The following PTPRQ variants were observed in gnomAD, a reference collection of about 807,000 sequenced individuals.
PTPRQ encodes the protein phosphatidylinositol phosphatase PTPRQ.
PTPRQ carries 199 observed loss-of-function variants against 246.0 expected under a neutral mutation model. The ratio of observed to expected loss-of-function variants is 0.81; its 90% CI spans 0.72 to 0.91. The LOEUF is 0.91. PTPRQ is among the 40% of genes least tolerant of loss of function. The pLI, the probability that PTPRQ is intolerant of heterozygous loss-of-function variation, is 0.00. For synonymous variants in PTPRQ, 869 were observed against 853.2 expected, an observed-to-expected ratio of 1.02 and a Z score of -0.32; for missense variants, 2,624 against 2,528.4, an observed-to-expected ratio of 1.04 and a Z score of -0.81.
At chr12:80,485,760 C>CTT (rs960068784) in intron 9 of PTPRQ, among the ~76,000 whole-genome samples, 16 of 152,160 alleles carry the variant, frequency 1.1e-4, no homozygotes, top group African/African-American at 3.9e-4. Flanking sequence ...CTGAGAAGGT[C>CTT]TTAAATTAGA....
intron 25 of PTPRQ, among the ~76,000 whole-genome samples, chr12:80,554,621 T>C (rs1896589995): frequency 6.6e-6 from 1 of 152,210 alleles, no homozygotes; most frequent in African/African-American, 2.4e-5. Flanking sequence ...CTTTATTAGC[T>C]TTTTGTCCAG....
At chr12:80,454,591 G>A (rs776454475) in intron 3 of PTPRQ, 1 of 701,702 alleles carries the variant, frequency 1.4e-6, no homozygotes, top group South Asian at 1.5e-5. Context: ...TTAGGATTAT[G>A]TTGGCTGTGG....
At chr12:80,516,358 T>C (rs377162185) in intron 17 of PTPRQ, among the ~76,000 whole-genome samples, 1 of 152,206 alleles carries the variant, frequency 6.6e-6, no homozygotes, top group East Asian at 1.9e-4. Flanking sequence ...TTCTAACTTA[T>C]ATACAAATCT....
chr12:80,553,842 A>G (rs1232042397), intron 25 of PTPRQ, among the ~76,000 whole-genome samples: 1 of 152,226 alleles, frequency 6.6e-6, no homozygotes, highest in African/African-American at 2.4e-5. Flanking sequence ...TGCATGCGGT[A>G]TTTAATTTTT....
intron 35 of PTPRQ, among the ~76,000 whole-genome samples, chr12:80,638,295 C>T (rs913428748): frequency 2.7e-4 from 41 of 151,262 alleles, no homozygotes; most frequent in African/African-American, 9.7e-4. Context: ...ATCTACCCAG[C>T]TAACATACGC....
chr12:80,483,756 C>T (rs1233210152), intron 8 of PTPRQ, among the ~76,000 whole-genome samples: 1 of 151,628 alleles, frequency 6.6e-6, no homozygotes, highest in African/African-American at 2.4e-5. Context: ...ACCGACAGGC[C>T]CCGGTGTATG....
intron 5 of PTPRQ, 40 bp from the exon 6 acceptor site, chr12:80,460,613 T>C (rs1256994074): frequency 1.3e-5 from 5 of 398,328 alleles, no homozygotes; most frequent in Non-Finnish European, 2.2e-5. Context: ...CACCAAGAGA[T>C]ACAACATTAT....
chr12:80,595,212 G>T (rs1897929505), intron 26 of PTPRQ, among the ~76,000 whole-genome samples: 1 of 152,090 alleles, frequency 6.6e-6, no homozygotes, highest in East Asian at 1.9e-4. Flanking sequence ...CAACAAGTGA[G>T]CATATTACAT....
At chr12:80,480,274 C>T (rs1893990576) in intron 8 of PTPRQ, among the ~76,000 whole-genome samples, 1 of 152,152 alleles carries the variant, frequency 6.6e-6, no homozygotes, top group Non-Finnish European at 1.5e-5. Flanking sequence ...TGAATGACTA[C>T]TGGGTACATA....
intron 33 of PTPRQ, among the ~76,000 whole-genome samples, chr12:80,628,051 A>G (rs557724083): frequency 2.0e-5 from 3 of 152,112 alleles, no homozygotes; most frequent in South Asian, 4.2e-4. Flanking sequence ...CTATGAGAAC[A>G]TTTTTTTCCC....
intron 39 of PTPRQ, among the ~76,000 whole-genome samples, chr12:80,663,385 T>C (rs533817522): frequency 1.3e-5 from 2 of 152,016 alleles, no homozygotes; most frequent in South Asian, 4.2e-4. Flanking sequence ...CTGGCCTTGC[T>C]CACCAGTGGG....
intron 26 of PTPRQ, among the ~76,000 whole-genome samples, chr12:80,599,402 T>C (rs965160520): frequency 6.6e-6 from 1 of 151,936 alleles, no homozygotes; most frequent in Non-Finnish European, 1.5e-5. Flanking sequence ...CAAACAATCC[T>C]AAATCAGAAT....
chr12:80,451,111 G>A (rs575206758), intron 3 of PTPRQ, among the ~76,000 whole-genome samples: 38 of 152,312 alleles, frequency 2.5e-4, no homozygotes, highest in African/African-American at 8.7e-4. Flanking sequence ...TCTTGGGAGG[G>A]TGTATGTGTC....
rs141027256 is a variant in PTPRQ, at chr12:80,583,386, A to G, written c.4286-4743A>G. Among the ~76,000 whole-genome samples, 52 of 152,184 alleles carry G rather than the reference A, an allele frequency of 3.4e-4. 1 individual carries two copies. The East Asian group carries it at 8.9e-3, about 26-fold the overall frequency. ...TGGATGCGGAAGCAAAATCTTTTTG[A>G]ATCTTTTATATATAATGTTGGGGTG... On this transcript the variant is annotated intron_variant, in intron 25 of 44. Transcript: ENST00000644991.
rs920493857 is a variant in PTPRQ at position 80,613,633 on chromosome 12, C to G, written c.4960C>G (p.Pro1654Ala). Residue 1654 changes from proline (P) to alanine (A), a missense_variant, in exon 29 of 45, where the codon CCA (proline) becomes GCA (alanine). Transcript: ENST00000644991. ...TAACAACATGACATTTCAGAAGATA[C>G]CAGATGAAGTTACAAAATTTCAATT... ...PPNNMTFQKI[P>A]DEVTKFQLTF... 33 of 1,545,102 alleles carry G rather than the reference C, an allele frequency of 2.1e-5. No individual in the cohort carries two copies. Among genetic ancestry groups the G allele is most frequent in the Non-Finnish European group, 2.6e-5 (30 of 1,142,708 alleles).
Position 80,539,812 on chromosome 12 carries a change from A to G in PTPRQ, c.3022A>G (p.Asn1008Asp). 1 of 1,547,658 alleles carries G rather than the reference A, an allele frequency of 6.5e-7. No individual in the cohort carries two copies. Among genetic ancestry groups the G allele is most frequent in the Admixed American group, 2.0e-5 (1 of 50,282 alleles). ...CCATGAAGTAACCAATGACTTTGAC[A>G]ATATGACTGTATCCACAATTATAGA... Reference protein sequence around the residue: ...TLHEVTNDFDNMTVSTIIDKL... With the variant: ...TLHEVTNDFDDMTVSTIIDKL... Residue 1008 changes from asparagine to aspartate, a missense_variant, in exon 20 of 45, where the codon AAT becomes GAT. Physicochemically the swap from Asn to Asp is conservative, Grantham distance 23. Transcript: ENST00000644991.
At chr12:80,523,267 A>G (rs1895566773) in intron 17 of PTPRQ, among the ~76,000 whole-genome samples, 1 of 152,066 alleles carries the variant, frequency 6.6e-6, no homozygotes, top group Admixed American at 6.6e-5. Context: ...CTTCTTTATT[A>G]GTCTTGCTAG....
chr12:80,461,823 T>A (rs948781117), intron 6 of PTPRQ, among the ~76,000 whole-genome samples: 1 of 151,762 alleles, frequency 6.6e-6, no homozygotes, highest in Admixed American at 6.6e-5. Flanking sequence ...CTTTGAATTA[T>A]ACCATTTTCT....
chr12:80,656,122 A>C (rs1263310793), intron 38 of PTPRQ, among the ~76,000 whole-genome samples: 6 of 152,202 alleles, frequency 3.9e-5, no homozygotes, highest in African/African-American at 1.4e-4. Context: ...TCATTAAACT[A>C]GATCATATAA....
Sources: gnomAD v4.1 joint callset for allele counts (sites outside exome capture counted in the v4.1 genomes callset) on GRCh38, gnomAD v4.1.1 for gene constraint, MANE v1.5 for transcripts, NCBI Gene and HGNC (gene_info 2026-07-23, HGNC 2026-07-21) for gene names.